Variants in PLCE1 observed in about 807,000 individuals in gnomAD.
PLCE1 encodes the protein phospholipase C epsilon 1.
A neutral mutation model predicts 242.8 loss-of-function variants in PLCE1; 119 were observed. The observed-to-expected ratio is 0.49, with a 90% CI of 0.42 to 0.57. The LOEUF is 0.57. Among genes scored for constraint, PLCE1 ranks in the 20% least tolerant of loss-of-function variants. PLCE1 has a pLI of 0.00. For synonymous variants in PLCE1, 945 were observed against 1,017.4 expected (o/e 0.93, Z 1.35); for missense variants, 2,441 against 2,788.8 (o/e 0.88, Z 2.81).
At chr10:94,048,592 C>T (rs1377881420) in intron 2 of PLCE1, among the ~76,000 whole-genome samples, 1 of 150,298 alleles carries the variant, frequency 6.7e-6, no homozygotes, top group Non-Finnish European at 1.5e-5. Context: ...GTGTAAAATG[C>T]CCATTTTCTG....
intron 2 of PLCE1, among the ~76,000 whole-genome samples, chr10:94,092,104 A>G (rs2045098572): frequency 6.6e-6 from 1 of 152,244 alleles, no homozygotes; most frequent in African/African-American, 2.4e-5. Context: ...GATAATGTAT[A>G]CCTGACGAGA....
chr10:94,244,600 A>G (rs1189423245), intron 7 of PLCE1, among the ~76,000 whole-genome samples: 3 of 152,246 alleles, frequency 2.0e-5, no homozygotes, highest in African/African-American at 7.2e-5. Flanking sequence ...ATACCTACAC[A>G]CATGCACAGA....
At chr10:94,199,380 T>C (rs1409202046) in intron 4 of PLCE1, among the ~76,000 whole-genome samples, 2 of 152,188 alleles carry the variant, frequency 1.3e-5, no homozygotes, top group Admixed American at 1.3e-4. Context: ...GTTTCTTCAT[T>C]TGTAAATGGG....
chr10:94,201,991 A>T (rs1308818892), intron 4 of PLCE1, among the ~76,000 whole-genome samples: 2 of 152,226 alleles, frequency 1.3e-5, no homozygotes, highest in Non-Finnish European at 2.9e-5. Flanking sequence ...AATATGAGGC[A>T]CAAATCAGAG....
intron 1 of PLCE1, among the ~76,000 whole-genome samples, chr10:94,000,905 T>C (rs2060918637): frequency 6.6e-6 from 1 of 152,228 alleles, no homozygotes; most frequent in African/African-American, 2.4e-5. Context: ...CTCCCCTGAC[T>C]ACCAGCCAGT....
chr10:94,105,903 C>A (rs556958487), intron 2 of PLCE1: 4 of 152,178 alleles, frequency 2.6e-5, no homozygotes, highest in Non-Finnish European at 4.4e-5. Context: ...TTATGCCAAG[C>A]CTTTTTTCAC....
intron 20 of PLCE1, among the ~76,000 whole-genome samples, chr10:94,282,711 T>C (rs2052285145): frequency 6.6e-6 from 1 of 152,196 alleles, no homozygotes; most frequent in Non-Finnish European, 1.5e-5. Flanking sequence ...GTGCTTTGCT[T>C]CATGCCTTTG....
intron 4 of PLCE1, among the ~76,000 whole-genome samples, chr10:94,178,489 A>G (rs1460628729): frequency 6.6e-6 from 1 of 152,214 alleles, no homozygotes; most frequent in Non-Finnish European, 1.5e-5. Context: ...TGGGCAGCCC[A>G]AAGTGACAAT....
chr10:94,063,350 T>G (rs1385585405), intron 2 of PLCE1, among the ~76,000 whole-genome samples: 3 of 152,176 alleles, frequency 2.0e-5, no homozygotes. Context: ...TCTCCCTGAC[T>G]CTCATGGGAT....
Position 94,298,591 on chromosome 10 carries a change from A to G in PLCE1, c.5380A>G (p.Ile1794Val). 1.2e-6 allele frequency: 2 copies of G among 1,614,114 alleles called. No homozygotes were observed. Among genetic ancestry groups the G allele is most frequent in the African/African-American group, 1.3e-5 (1 of 75,014 alleles). ...GAGAACTTACCCTGCTGCCACCCGC[A>G]TCGACTCTTCCAACCCGAACCCCCT... is the stretch of plus-strand genomic sequence containing the variant. The part of the protein sequence containing the change: ...LLRTYPAATR[I>V]DSSNPNPLMF... Residue 1794 changes from isoleucine to valine, a missense_variant, in exon 24 of 33, where the codon ATC becomes GTC. Physicochemically the swap from Ile to Val is conservative, Grantham distance 29. Transcript: ENST00000371380. The surrounding 1 kb of genome is among the most constrained non-coding windows in gnomAD (Gnocchi z 5.2).
At chr10:94,019,718 G>A (rs893204683) in intron 1 of PLCE1, among the ~76,000 whole-genome samples, 5 of 152,162 alleles carry the variant, frequency 3.3e-5, no homozygotes, top group Admixed American at 2.0e-4. Flanking sequence ...AAATAACTGC[G>A]TGTGGCTAGT....
At chr10:94,223,588 A>T (rs1309364621) in intron 4 of PLCE1, among the ~76,000 whole-genome samples, 1 of 152,142 alleles carries the variant, frequency 6.6e-6, no homozygotes, top group Non-Finnish European at 1.5e-5. Context: ...GAAAAGCAAA[A>T]GGAAGGAAAA....
chr10:94,083,534 C>T (rs1320104401), intron 2 of PLCE1, among the ~76,000 whole-genome samples: 2 of 152,156 alleles, frequency 1.3e-5, no homozygotes, highest in Non-Finnish European at 1.5e-5. Context: ...TGTGATAGAC[C>T]AGAACCTGCA....
At chr10:94,094,176 C>T (rs556085405) in intron 2 of PLCE1, among the ~76,000 whole-genome samples, 41 of 151,588 alleles carry the variant, frequency 2.7e-4, no homozygotes, top group African/African-American at 9.0e-4. Flanking sequence ...CTCCTGACCT[C>T]GTGATCCGCC....
At position 94,138,606 on chromosome 10, in the gene PLCE1, T is replaced by C. The variant is rs1166223563; in HGVS notation, c.1492+6147T>C. 23 of 417,432 alleles carry C rather than the reference T, an allele frequency of 5.5e-5. 1 individual carries two copies. The highest frequency in any genetic ancestry group is 9.4e-5 in the Non-Finnish European group (20 of 213,648). 25.9% of individuals were successfully genotyped at this position (417,432 alleles called of 1,614,324 possible). On this transcript the variant is annotated intron_variant, in intron 3 of 32. Transcript: ENST00000371380. ...TCTGAACATCAAAGGGCATGTCAAG[T>C]GTGTGGAATTTGTTATGAGCTTCAT...
chr10:94,218,820 A>G (rs1477249823), intron 4 of PLCE1, among the ~76,000 whole-genome samples: 2 of 150,908 alleles, frequency 1.3e-5, no homozygotes, highest in Non-Finnish European at 1.5e-5. Context: ...ATGACAGCAT[A>G]TAAATGGTAA....
chr10:93,996,371 T>A (rs1289733404), intron 1 of PLCE1, among the ~76,000 whole-genome samples: 1 of 152,174 alleles, frequency 6.6e-6, no homozygotes, highest in African/African-American at 2.4e-5. Flanking sequence ...ATCTGTGGCA[T>A]TGAGCAAGTA....
chr10:94,199,322 A>T (rs1483558483), intron 4 of PLCE1, among the ~76,000 whole-genome samples: 1 of 152,234 alleles, frequency 6.6e-6, no homozygotes, highest in Admixed American at 6.5e-5. Flanking sequence ...ACAATGTGTG[A>T]ACATTCCAGT....
intron 29 of PLCE1, among the ~76,000 whole-genome samples, chr10:94,320,833 T>C (rs1243793753): frequency 1.3e-5 from 2 of 152,174 alleles, no homozygotes; most frequent in Non-Finnish European, 2.9e-5. Flanking sequence ...TTGCTTTACA[T>C]AGTCACATAC....
Sources: gnomAD v4.1 joint callset for allele counts (sites outside exome capture counted in the v4.1 genomes callset) on GRCh38, gnomAD v4.1.1 for gene constraint, Gnocchi (gnomAD v3.1) non-coding constraint, MANE v1.5 for transcripts, NCBI Gene and HGNC (gene_info 2026-07-23, HGNC 2026-07-21) for gene names.